RIMKLB: variants seen among roughly 807,000 people sequenced by gnomAD.
RIMKLB encodes beta-citrylglutamate synthase B.
In RIMKLB, 7 loss-of-function variants were observed where a neutral mutation model predicts 32.0. The observed-to-expected ratio is 0.22, with a 90% CI of 0.12 to 0.41. The LOEUF is 0.41. RIMKLB is among the 10% of genes least tolerant of loss of function. The pLI is 1.00. For synonymous variants in RIMKLB, 172 were observed against 185.1 expected (o/e 0.93, Z 0.57); for missense variants, 289 against 498.7 (o/e 0.58, Z 4.00).
chr12:8,670,400 G>T, the RIMKLB span, among the ~76,000 whole-genome samples: 1 of 152,172 alleles, frequency 6.6e-6, no homozygotes, highest in Non-Finnish European at 1.5e-5. Flanking sequence ...TTTCAGGTGG[G>T]AGAAATTGGC....
chr12:8,779,318 T>TG (rs1788615453), downstream of RIMKLB: 3 of 152,144 alleles, frequency 2.0e-5, no homozygotes, highest in South Asian at 6.2e-4. Flanking sequence ...GCTGCTATTG[T>TG]GGGGTTTGGG....
intron 1 of RIMKLB, among the ~76,000 whole-genome samples, chr12:8,708,731 A>G (rs1421490321): frequency 2.0e-5 from 3 of 152,206 alleles, no homozygotes; most frequent in Non-Finnish European, 4.4e-5. Context: ...AGTGAAACAA[A>G]TGTCTGCTTA....
At position 8,774,757 on chromosome 12, in the gene RIMKLB, C is replaced by G; in HGVS notation, c.*973C>G. 2.0e-6 allele frequency: 2 copies of G among 985,244 alleles called. No homozygotes were observed. Among genetic ancestry groups the G allele is most frequent in the Non-Finnish European group, 2.4e-6 (2 of 829,752 alleles). The allele number at this position is 985,244 out of a possible 1,614,324, so 61.0% of individuals were successfully genotyped here. Reference sequence around the variant, plus strand: ...TGGTAGTTGGGCATTTAAATAAGGACAAGGAAAAATATTTTTGGGGGCAAA... The same window carrying G: ...TGGTAGTTGGGCATTTAAATAAGGAGAAGGAAAAATATTTTTGGGGGCAAA... On this transcript the variant is annotated 3_prime_UTR_variant, in exon 6 of 6. Coordinates refer to ENST00000535829, the MANE Select transcript of RIMKLB (RefSeq NM_001297776.2).
chr12:8,733,928 T>A (rs1047044492), intron 2 of RIMKLB, among the ~76,000 whole-genome samples: 2 of 152,156 alleles, frequency 1.3e-5, no homozygotes, highest in Non-Finnish European at 2.9e-5. Context: ...TTAGGTAGAT[T>A]GTATGACTAC....
intron 1 of RIMKLB, among the ~76,000 whole-genome samples, chr12:8,691,560 C>T (rs752907590): frequency 2.2e-4 from 34 of 152,058 alleles, no homozygotes; most frequent in South Asian, 8.3e-4. Flanking sequence ...GAGTAGAGAT[C>T]GAGCCACTGC....
rs1950709087 is a variant in RIMKLB, at chr12:8,776,103, A to G, written c.*2319A>G. ...CATACACTTTGAATAGTTACATATC[A>G]CAAGTATGTAGTTCATGTTTGTGTT... On this transcript the variant is annotated 3_prime_UTR_variant, in exon 6 of 6. Transcript: ENST00000535829. 1 of 984,554 alleles carries G rather than the reference A, an allele frequency of 1.0e-6. No homozygotes were observed. Among genetic ancestry groups the G allele is most frequent in the South Asian group, 4.7e-5 (1 of 21,278 alleles). The allele number at this position is 984,554 out of a possible 1,614,324, so 61.0% of individuals were successfully genotyped here. A position where few individuals can be genotyped will look rare whatever the true frequency, so the allele number is the denominator to read the frequency against.
intron 5 of RIMKLB, among the ~76,000 whole-genome samples, chr12:8,763,917 A>G (rs1435827308): frequency 6.6e-6 from 1 of 152,210 alleles, no homozygotes. Flanking sequence ...GACAGGATGT[A>G]CAGGGATGCA....
chr12:8,735,270 C>T (rs996724301), intron 2 of RIMKLB, among the ~76,000 whole-genome samples: 16 of 152,152 alleles, frequency 1.1e-4, no homozygotes, highest in Non-Finnish European at 2.2e-4. Flanking sequence ...TGCTTTGTTG[C>T]CCAGGCTGGA....
At chr12:8,722,556 C>G (rs74059978) in intron 2 of RIMKLB, among the ~76,000 whole-genome samples, 5,588 of 152,260 alleles carry the variant, frequency 0.037, 327 homozygotes, top group African/African-American at 0.12. Flanking sequence ...TTTCAACTTA[C>G]AGTCACCAGC....
intron 2 of RIMKLB, among the ~76,000 whole-genome samples, chr12:8,727,437 A>G (rs1946132583): frequency 6.6e-6 from 1 of 152,144 alleles, no homozygotes; most frequent in South Asian, 2.1e-4. Context: ...GGGTTTCACT[A>G]TATGTTGATC....
chr12:8,711,100 G>A lies in RIMKLB; in HGVS notation c.-56-2711G>A, dbSNP rs775529222. Among the ~76,000 whole-genome samples the A allele has an allele frequency of 3.3e-5, 5 of 152,188 alleles. No individual in the cohort carries two copies. In the South Asian group the frequency reaches 8.3e-4, roughly 25 times the overall value. On this transcript the variant is annotated intron_variant, in intron 1 of 5. Transcript: ENST00000535829. Reference sequence around the variant, plus strand: ...AGTACGAAAATTAGCTGGGCATGGTGGTGGGCATCTGTAATCCCAGCTACT... The same window carrying A: ...AGTACGAAAATTAGCTGGGCATGGTAGTGGGCATCTGTAATCCCAGCTACT...
In RIMKLB at chr12:8,698,292, A is replaced by T. The variant is rs1375510397; in HGVS notation, c.-62A>T. 8.7e-6 allele frequency: 3 copies of T among 345,808 alleles called. No individual in the cohort carries two copies. 21.4% of individuals were successfully genotyped at this position (345,808 alleles called of 1,614,324 possible). On this transcript the variant is annotated 5_prime_UTR_variant, in exon 1 of 6. Coordinates refer to ENST00000535829, the MANE Select transcript of RIMKLB (RefSeq NM_001297776.2). ...CCGAGAGCGAGGGAGGAGCCCCCCG[A>T]CCCAGGTGAGCGGTACGACCGCTGT... is the stretch of plus-strand genomic sequence containing the variant.
intron 2 of RIMKLB, chr12:8,742,377 G>T: frequency 4.3e-6 from 1 of 231,932 alleles, no homozygotes; most frequent in Non-Finnish European, 8.4e-6. Flanking sequence ...TACCTAGAGA[G>T]GGAGGGGTCC....
At chr12:8,674,539 CT>C in the RIMKLB span, among the ~76,000 whole-genome samples, 2 of 149,746 alleles carry the variant, frequency 1.3e-5, no homozygotes, top group Non-Finnish European at 3.0e-5. Context: ...GCGCCCAGCC[CT>C]TTTTTTTTCC....
At chr12:8,699,010 A>C (rs1157526007) in intron 1 of RIMKLB, among the ~76,000 whole-genome samples, 1 of 151,956 alleles carries the variant, frequency 6.6e-6, no homozygotes, top group African/African-American at 2.4e-5. Context: ...CCCCTTATTA[A>C]TATGTCCTTA....
chr12:8,686,059 G>A (rs767309875), intron 1 of RIMKLB, among the ~76,000 whole-genome samples: 5 of 152,054 alleles, frequency 3.3e-5, no homozygotes, highest in Non-Finnish European at 7.4e-5. Context: ...GCCCACCTCG[G>A]TCTTCCAAAG....
intron 2 of RIMKLB, among the ~76,000 whole-genome samples, chr12:8,732,638 A>G (rs1277486103): frequency 6.6e-6 from 1 of 152,178 alleles, no homozygotes; most frequent in African/African-American, 2.4e-5. Context: ...AAGAGTCAAA[A>G]AGTACTAATG....
chr12:8,780,049 C>T (rs971285705), downstream of RIMKLB: 5 of 152,160 alleles, frequency 3.3e-5, no homozygotes, highest in Admixed American at 2.0e-4. Flanking sequence ...CGTATGTGTT[C>T]GTGTTTTAAT....
At chr12:8,690,950 A>G (rs909942096) in intron 1 of RIMKLB, among the ~76,000 whole-genome samples, 2 of 152,044 alleles carry the variant, frequency 1.3e-5, no homozygotes, top group Admixed American at 6.6e-5. Flanking sequence ...AAAAAAGAAG[A>G]TAATCCAAAC....
Sources: gnomAD v4.1 joint callset for allele counts (sites outside exome capture counted in the v4.1 genomes callset) on GRCh38, gnomAD v4.1.1 for gene constraint, MANE v1.5 for transcripts, NCBI Gene and HGNC (gene_info 2026-07-23, HGNC 2026-07-21) for gene names.